Variants in NOS2 observed in about 807,000 individuals in gnomAD.
The protein encoded by NOS2 is nitric oxide synthase 2, also known as nitric oxide synthase, inducible.
In NOS2, 96 loss-of-function variants were observed where a neutral mutation model predicts 136.0. That is an observed-to-expected ratio of 0.71 (90% CI 0.60 to 0.84). NOS2 has a LOEUF of 0.84. NOS2 is among the 40% of genes least tolerant of loss of function. The pLI is 0.00. For synonymous variants in NOS2, 539 were observed against 587.5 expected, an observed-to-expected ratio of 0.92 and a Z score of 1.20; for missense variants, 1,237 against 1,496.9, an observed-to-expected ratio of 0.83 and a Z score of 2.87.
chr17:27,788,196 G>GCACACACACACACACACACA (rs59431357), intron 4 of NOS2, among the ~76,000 whole-genome samples: 1 of 149,646 alleles, frequency 6.7e-6, no homozygotes, highest in African/African-American at 2.5e-5. Context: ...GCACACGCGT[G>GCACACACACACACACACACA]CACACACACA....
chr17:27,790,032 ACT>A (rs1909143599), intron 2 of NOS2, among the ~76,000 whole-genome samples: 1 of 152,182 alleles, frequency 6.6e-6, no homozygotes, highest in South Asian at 2.1e-4. Context: ...GGCTCCAACA[ACT>A]CTGCCTCCCA....
intron 11 of NOS2, among the ~76,000 whole-genome samples, chr17:27,777,803 G>A (rs28999383): frequency 0.095 from 14,378 of 152,126 alleles, 1,568 homozygotes; most frequent in African/African-American, 0.27. Flanking sequence ...CCAGCGCTTT[G>A]GGAGGCTGAG....
At chr17:27,763,848 C>T in intron 21 of NOS2, 133 bp downstream of exon 21, 1 of 675,544 alleles carries the variant, frequency 1.5e-6, no homozygotes, top group Non-Finnish European at 2.4e-6. Context: ...GGCTTCCCAC[C>T]AGCCTTTGAC....
In NOS2 at chr17:27,781,051, G is replaced by A. The variant is rs200761874; in HGVS notation, c.849C>T (p.Asn283=). The change falls in exon 8 of 27, where the codon AAC becomes AAT. Residue 283 remains asparagine, a synonymous_variant. Transcript: ENST00000313735. ...PDGSIRGDPA[N]VEFTQLCIDL... Reference sequence around the variant, plus strand: ...GGCCGGGTACCTGAGTGAATTCCACGTTGGCAGGGTCCCCTCTGATGCTGC... The same window carrying A: ...GGCCGGGTACCTGAGTGAATTCCACATTGGCAGGGTCCCCTCTGATGCTGC... The A allele has an allele frequency of 4.3e-5, 70 of 1,613,622 alleles. No homozygotes were observed. The Middle Eastern group carries it at 5.0e-4, about 11-fold the overall frequency.
intron 2 of NOS2, among the ~76,000 whole-genome samples, chr17:27,794,714 G>GCGCACACACACACA (rs371758052): frequency 1.1e-4 from 16 of 145,612 alleles, no homozygotes; most frequent in African/African-American, 4.1e-4. Context: ...ACACACACGC[G>GCGCACACACACACA]CACACACACA....
At chr17:27,790,764 C>T (rs2142525803) in intron 2 of NOS2, among the ~76,000 whole-genome samples, 1 of 152,260 alleles carries the variant, frequency 6.6e-6, no homozygotes, top group South Asian at 2.1e-4. Context: ...CTTAAAAATT[C>T]AGTATTCTGA....
Position 27,765,711 on chromosome 17 carries a change from G to T in NOS2, c.2252C>A (p.Ala751Asp). ...ACAGGAGAGTTCCACCAGGATGGTG[G>T]CACGGCTGGGGAAGGAAAATGAAGC... ...QNLQSPTSSR[A>D]TILVELSCED... The change falls in exon 20 of 27, where the codon GCC (alanine) becomes GAC (aspartate). Residue 751 changes from alanine to aspartate, a missense_variant. Coordinates refer to ENST00000313735, the MANE Select transcript of NOS2 (RefSeq NM_000625.4). 1 of 1,600,540 alleles carries T rather than the reference G, an allele frequency of 6.2e-7. No homozygotes were observed. Among genetic ancestry groups the T allele is most frequent in the Non-Finnish European group, 8.5e-7 (1 of 1,173,582 alleles).
In NOS2 at chr17:27,788,936, A is replaced by T. The variant is rs780179695; in HGVS notation, c.196-5T>A. 29 of 1,613,230 alleles carry T rather than the reference A, an allele frequency of 1.8e-5. 1 individual carries two copies. Among genetic ancestry groups the T allele is most frequent in the Non-Finnish European group, 2.5e-5 (29 of 1,179,480 alleles). On this transcript the variant is annotated splice_polypyrimidine_tract_variant and splice_region_variant and intron_variant, in intron 3 of 26. Transcript: ENST00000313735. ...GACCAGAGATTCTGGAGACTTCTGC[A>T]AGGGGAAAAAACAGGGTTTTCTCTC...
At position 27,761,151 on chromosome 17, in the gene NOS2, C is replaced by T. The variant is rs1352087477; in HGVS notation, c.2881G>A (p.Val961Met). The stretch of plus-strand genomic sequence containing the variant: ...AGTGGAAGGGGTGCTTACTTCCGCA[C>T]AAAGCAGGGCACTGGGTCTTGGGGC... ...LKPQDPVPCF[V>M]RNASGFHLPE... The change falls in exon 23 of 27, where the codon GTG becomes ATG. Residue 961 changes from valine (V) to methionine (M), a missense_variant. Transcript: ENST00000313735. 3.1e-6 allele frequency: 5 copies of T among 1,597,846 alleles called. No homozygotes were observed. Among genetic ancestry groups the T allele is most frequent in the Non-Finnish European group, 2.6e-6 (3 of 1,172,572 alleles).
intron 23 of NOS2, 78 bp downstream of exon 23, chr17:27,761,066 C>T (rs2151324783): frequency 7.4e-7 from 1 of 1,344,178 alleles, no homozygotes; most frequent in East Asian, 2.5e-5. Context: ...GTCTCCTAAA[C>T]CCCAGATCCC....
chr17:27,777,269 G>T (rs2151330181), intron 11 of NOS2, among the ~76,000 whole-genome samples: 1 of 152,374 alleles, frequency 6.6e-6, no homozygotes. Flanking sequence ...ACTGCTGAAT[G>T]AATGAATGAC....
intron 11 of NOS2, among the ~76,000 whole-genome samples, chr17:27,777,188 C>G (rs1478407556): frequency 6.6e-6 from 1 of 152,248 alleles, no homozygotes; most frequent in Non-Finnish European, 1.5e-5. Flanking sequence ...GTGTGCTCAT[C>G]TGTACTCTGT....
In NOS2 at chr17:27,774,360, G is replaced by A. The variant is rs200193371; in HGVS notation, c.1373C>T (p.Pro458Leu). The A allele has an allele frequency of 3.8e-6, 6 of 1,583,190 alleles. No homozygotes were observed. The highest frequency in any genetic ancestry group is 1.8e-5 in the Admixed American group (1 of 55,576). Reference protein sequence around the residue: ...QNEYRSRGGCPADWIWLVPPM... With the variant: ...QNEYRSRGGCLADWIWLVPPM... The stretch of plus-strand genomic sequence containing the variant: ...AGGGACCAGCCAAATCCAGTCTGCC[G>A]GGCAGCCCCCACGGGACCGGTATTC... Residue 458 changes from proline (P) to leucine (L), a missense_variant, in exon 12 of 27, where the codon CCG becomes CTG. By Grantham distance (98) the Pro-to-Leu change is moderately conservative. This residue lies in a region of NOS2 where 782 missense variants were observed against 909.9 expected (regional missense o/e 0.86). Transcript: ENST00000313735.
chr17:27,781,223 G>T, intron 7 of NOS2, 46 bp from the exon 8 acceptor site: 1 of 1,566,614 alleles, frequency 6.4e-7, no homozygotes, highest in South Asian at 1.2e-5. Context: ...GCCCTGGTGG[G>T]GGCCCAGCCA....
In NOS2 at chr17:27,769,262, G is replaced by A. The variant is rs1425494984; in HGVS notation, c.1860-111C>T. The A allele has an allele frequency of 5.3e-6, 6 of 1,127,866 alleles. No individual in the cohort carries two copies. In the East Asian group the frequency reaches 1.0e-4, roughly 19 times the overall value. The allele number at this position is 1,127,866 out of a possible 1,614,324, so 69.9% of individuals were successfully genotyped here. ...GCCCCAGACTCTCCCCCTCCAGCTG[G>A]AGAATGGAGCTGGACCCCCTTCTGG... is the stretch of plus-strand genomic sequence containing the variant. On this transcript the variant is annotated intron_variant, in intron 16 of 26. Coordinates refer to ENST00000313735, the MANE Select transcript of NOS2 (RefSeq NM_000625.4).
intron 2 of NOS2, 35 bp downstream of exon 2, chr17:27,798,665 G>T: frequency 7.4e-7 from 1 of 1,349,480 alleles, no homozygotes; most frequent in East Asian, 2.3e-5. Flanking sequence ...GGTGCCCAAG[G>T]AGACAAGCAG....
chr17:27,770,979 C>G lies in NOS2; in HGVS notation c.1743G>C (p.Glu581Asp), dbSNP rs1273604404. The change falls in exon 15 of 27, where the codon GAG (glutamate) becomes GAC (aspartate). Residue 581 changes from glutamate to aspartate, a missense_variant. Transcript: ENST00000313735. ...TCACCACCAACAGCAGCCGTTCCTC[C>G]TCCAGGCAGCTCAGCCTGTACTTAT... is the stretch of plus-strand genomic sequence containing the variant. Reference protein sequence around the residue: ...CMDKYRLSCLEEERLLLVVTS... With the variant: ...CMDKYRLSCLDEERLLLVVTS... 1.2e-6 allele frequency: 2 copies of G among 1,614,180 alleles called. No individual in the cohort carries two copies. The highest frequency in any genetic ancestry group is 1.7e-5 in the Admixed American group (1 of 60,026).
chr17:27,795,314 T>C (rs919174090), intron 2 of NOS2, among the ~76,000 whole-genome samples: 4 of 152,244 alleles, frequency 2.6e-5, no homozygotes, highest in Non-Finnish European at 5.9e-5. Context: ...TTAGCTCCAC[T>C]ATTTTCCAGG....
chr17:27,768,420 C>G (rs548080214), intron 17 of NOS2, among the ~76,000 whole-genome samples: 26 of 152,164 alleles, frequency 1.7e-4, no homozygotes, highest in Admixed American at 7.2e-4. Context: ...TCTGATTGCT[C>G]TTATGTTCCT....
Sources: gnomAD v4.1 joint callset for allele counts (sites outside exome capture counted in the v4.1 genomes callset) on GRCh38, gnomAD v4.1.1 for gene constraint, gnomAD v4.1.1 regional missense constraint, MANE v1.5 for transcripts, NCBI Gene and HGNC (gene_info 2026-07-23, HGNC 2026-07-21) for gene names.